The following BRPF1 variants were observed in gnomAD, a reference collection of about 807,000 sequenced individuals.
The protein encoded by BRPF1 is peregrin.
A neutral mutation model predicts 115.0 loss-of-function variants in BRPF1; 15 were observed. The ratio of observed to expected loss-of-function variants is 0.13; its 90% CI spans 0.09 to 0.20. The LOEUF is 0.20. Among genes scored for constraint, BRPF1 ranks in the 10% least tolerant of loss-of-function variants. The probability of loss-of-function intolerance (pLI) is 1.00; values close to 1 mark genes in which losing one functional copy is unlikely to be tolerated. For synonymous variants in BRPF1, 647 were observed against 619.8 expected (o/e 1.04, Z -0.65); for missense variants, 1,118 against 1,638.3 (o/e 0.68, Z 5.48).
At chr3:9,742,438 T>C (rs1191828793) in intron 6 of BRPF1, 1 of 985,282 alleles carries the variant, frequency 1.0e-6, no homozygotes, top group African/African-American at 1.7e-5. Flanking sequence ...AGGAAGACAC[T>C]TTCGGGGTGC....
intron 4 of BRPF1, 21 bp from the exon 5 acceptor site, chr3:9,741,287 A>T: frequency 6.5e-7 from 1 of 1,546,632 alleles, no homozygotes; most frequent in Non-Finnish European, 8.7e-7. Context: ...TCATCCTCTG[A>T]TCTTCGTTTT....
chr3:9,735,385 C>G (rs17050532), intron 2 of BRPF1, among the ~76,000 whole-genome samples: 1,876 of 152,292 alleles, frequency 0.012, 36 homozygotes, highest in African/African-American at 0.042. Context: ...GACTCCATAG[C>G]TGTACTGTTT....
At chr3:9,735,732 G>T (rs1575149212) in intron 2 of BRPF1, among the ~76,000 whole-genome samples, 2 of 152,244 alleles carry the variant, frequency 1.3e-5, no homozygotes. Flanking sequence ...TCTTTAACAT[G>T]AGGTAAAAGA....
chr3:9,746,705 T>A (rs2077132736), intron 13 of BRPF1, among the ~76,000 whole-genome samples: 1 of 150,866 alleles, frequency 6.6e-6, no homozygotes, highest in Non-Finnish European at 1.5e-5. Context: ...AATATAGAGG[T>A]GGCTCCCACC....
Position 9,747,906 on chromosome 3 carries a change from C to A in BRPF1, c.*557C>A, listed in dbSNP as rs1421450194. ...AAAAAAAAAAAGACTGGGGGCTGTC[C>A]CCATTTCCCTTCTCTTTCCCATAGA... On this transcript the variant is annotated 3_prime_UTR_variant, in exon 14 of 14. Transcript: ENST00000383829. This position sits in a 1 kb window ranked among gnomAD's most constrained non-coding sequence, Gnocchi z 5.6. 6.6e-6 allele frequency: 1 copy of A among 152,568 alleles called. No individual in the cohort carries two copies. Among genetic ancestry groups the A allele is most frequent in the Non-Finnish European group, 1.5e-5 (1 of 68,110 alleles). 9.5% of individuals were successfully genotyped at this position (152,568 alleles called of 1,614,324 possible). A position where few individuals can be genotyped will look rare whatever the true frequency, so the allele number is the denominator to read the frequency against.
chr3:9,742,835 G>A, intron 6 of BRPF1, 109 bp from the exon 7 acceptor site: 2 of 1,201,002 alleles, frequency 1.7e-6, no homozygotes, highest in Non-Finnish European at 2.3e-6. Context: ...GCCTCTAACT[G>A]TGGTGGGAGG....
rs1457535536 is a variant in BRPF1, at chr3:9,742,138, G to A, written c.1968G>A (p.Pro656=). The part of the protein sequence containing the change: ...EKDTGNIFSE[P]VPLSEVTELD... ...ACACAGGCAACATCTTCAGCGAGCC[G>A]GTCCCTCTGTCTGAGGTAACCGAAT... Residue 656 remains proline (P), a synonymous_variant, in exon 6 of 14, where the codon CCG becomes CCA. Coordinates refer to ENST00000383829, the MANE Select transcript of BRPF1 (RefSeq NM_001003694.2). 3.7e-6 allele frequency: 6 copies of A among 1,614,034 alleles called. No homozygotes were observed. Among genetic ancestry groups the A allele is most frequent in the Non-Finnish European group, 4.2e-6 (5 of 1,180,040 alleles).
At chr3:9,737,270 G>A (rs1056422327) in intron 2 of BRPF1, among the ~76,000 whole-genome samples, 6 of 152,314 alleles carry the variant, frequency 3.9e-5, no homozygotes, top group African/African-American at 9.6e-5. Context: ...CACTTCTATC[G>A]TGTAGTGGAG....
intron 2 of BRPF1, among the ~76,000 whole-genome samples, chr3:9,738,567 C>T (rs530976750): frequency 2.0e-5 from 3 of 152,362 alleles, no homozygotes; most frequent in Admixed American, 6.5e-5. Flanking sequence ...TTGTCAATGA[C>T]ATCCAATGAC....
Position 9,743,930 on chromosome 3 carries a change from A to G in BRPF1, c.2635+29A>G. 1.3e-6 allele frequency: 2 copies of G among 1,539,278 alleles called. No individual in the cohort carries two copies. Among genetic ancestry groups the G allele is most frequent in the East Asian group, 2.3e-5 (1 of 44,084 alleles). ...TGAATCCCATGGCAAGGTGGACCCC[A>G]AAGCAAGTCAGACTTTGGCTCTGCA... On this transcript the variant is annotated intron_variant, in intron 8 of 13. Transcript: ENST00000383829. The surrounding 1 kb of genome is among the most constrained non-coding windows in gnomAD (Gnocchi z 6.1).
rs2076913262 is a variant in BRPF1, at chr3:9,734,819, T to C, written c.599+80T>C. 41 of 1,516,886 alleles carry C rather than the reference T, an allele frequency of 2.7e-5. No individual in the cohort carries two copies. The highest frequency in any genetic ancestry group is 3.7e-5 in the Non-Finnish European group (41 of 1,111,702). 94.0% of individuals were successfully genotyped at this position (1,516,886 alleles called of 1,614,324 possible). A position where few individuals can be genotyped will look rare whatever the true frequency, so the allele number is the denominator to read the frequency against. On this transcript the variant is annotated intron_variant, in intron 2 of 13. Coordinates refer to ENST00000383829, the MANE Select transcript of BRPF1 (RefSeq NM_001003694.2). The surrounding 1 kb of genome is among the most constrained non-coding windows in gnomAD (Gnocchi z 5.7). Reference sequence around the variant, plus strand: ...GCCAGAGAGAGGTGAGAGGCACAGATAGAAGAGTGACAGGAATAAAGAATA... The same window carrying C: ...GCCAGAGAGAGGTGAGAGGCACAGACAGAAGAGTGACAGGAATAAAGAATA...
intron 3 of BRPF1, 73 bp downstream of exon 3, chr3:9,740,031 A>G: frequency 6.8e-7 from 1 of 1,463,538 alleles, no homozygotes; most frequent in South Asian, 1.4e-5. Context: ...CAGCCTCCTG[A>G]GTGGAATGGC....
chr3:9,737,533 G>T (rs758066117), intron 2 of BRPF1, among the ~76,000 whole-genome samples: 1 of 152,252 alleles, frequency 6.6e-6, no homozygotes, highest in Non-Finnish European at 1.5e-5. Context: ...CACCCAGGCA[G>T]TGTGGCTCCA....
chr3:9,741,776 G>C (rs998890624), intron 5 of BRPF1, among the ~76,000 whole-genome samples: 2 of 152,124 alleles, frequency 1.3e-5, no homozygotes, highest in African/African-American at 4.8e-5. Flanking sequence ...TGTCACAGGA[G>C]CGTATGAACA....
intron 6 of BRPF1, chr3:9,742,634 A>G (rs1238792733): frequency 1.9e-5 from 16 of 828,164 alleles, no homozygotes. Context: ...TTATTTTCAG[A>G]GGAGTCCCCA....
chr3:9,736,081 G>A (rs868586568), intron 2 of BRPF1, among the ~76,000 whole-genome samples: 2 of 142,946 alleles, frequency 1.4e-5, no homozygotes, highest in East Asian at 2.2e-4. Flanking sequence ...GCGTGATCTC[G>A]GCTCACTGCG....
Position 9,743,704 on chromosome 3 carries a change from G to T in BRPF1, c.2438G>T (p.Arg813Leu). 1 of 1,614,176 alleles carries T rather than the reference G, an allele frequency of 6.2e-7. No homozygotes were observed. Among genetic ancestry groups the T allele is most frequent in the Non-Finnish European group, 8.5e-7 (1 of 1,180,028 alleles). The change falls in exon 8 of 14, where the codon CGG becomes CTG. Residue 813 changes from arginine (R) to leucine (L), a missense_variant. Around this residue, in one of 10 missense-constraint regions of BRPF1, gnomAD observed 223 missense variants for 240.7 expected, o/e 0.93. Coordinates refer to ENST00000383829, the MANE Select transcript of BRPF1 (RefSeq NM_001003694.2). The surrounding 1 kb of genome is among the most constrained non-coding windows in gnomAD (Gnocchi z 6.1). ...AGCAAGCAGAGTGTGGGCCGCTCAC[G>T]GCGTGCAAAGATGATCAAGAAAGAG... ...NASKQSVGRS[R>L]RAKMIKKEMT...
At position 9,739,029 on chromosome 3, in the gene BRPF1, C is replaced by T. The variant is rs766658843; in HGVS notation, c.630C>T (p.Asp210=). The T allele has an allele frequency of 5.7e-6, 9 of 1,589,736 alleles. No homozygotes were observed. The highest frequency in any genetic ancestry group is 1.1e-5 in the South Asian group (1 of 88,050). The change falls in exon 3 of 14, where the codon GAC becomes GAT. Residue 210 remains aspartate (D), a synonymous_variant. Coordinates refer to ENST00000383829, the MANE Select transcript of BRPF1 (RefSeq NM_001003694.2). ...RYIEKSAEEL[D]EEVEYDMDEE... ...TCGAGAAGTCTGCAGAGGAGCTGGA[C>T]GAGGAAGTAGAGTATGACATGGACG...
At chr3:9,746,539 A>T (rs1288111286) in intron 13 of BRPF1, 85 bp downstream of exon 13, 3 of 1,409,308 alleles carry the variant, frequency 2.1e-6, no homozygotes, top group Non-Finnish European at 2.8e-6. Flanking sequence ...AAACTCCAGC[A>T]ACAGGCAGAC....
Sources: gnomAD v4.1 joint callset for allele counts (sites outside exome capture counted in the v4.1 genomes callset) on GRCh38, gnomAD v4.1.1 for gene constraint, gnomAD v4.1.1 regional missense constraint, Gnocchi (gnomAD v3.1) non-coding constraint, MANE v1.5 for transcripts, NCBI Gene and HGNC (gene_info 2026-07-23, HGNC 2026-07-21) for gene names.